ROBO2: variants seen among roughly 807,000 people sequenced by gnomAD.
ROBO2 encodes the protein roundabout guidance receptor 2.
Under a neutral mutation model 160.8 loss-of-function variants are expected in ROBO2, and 53 were observed. The observed-to-expected ratio is 0.33, with a 90% CI of 0.26 to 0.41. The LOEUF is 0.41. Among genes scored for constraint, ROBO2 ranks in the 10% least tolerant of loss-of-function variants. ROBO2 has a pLI of 1.00. For synonymous variants in ROBO2, 664 were observed against 611.7 expected (o/e 1.09, Z -1.26); for missense variants, 1,577 against 1,722.4 (o/e 0.92, Z 1.49).
chr3:76,319,225 A>G (rs928861374), intron 2 of ROBO2, among the ~76,000 whole-genome samples: 5 of 152,112 alleles, frequency 3.3e-5, no homozygotes, highest in African/African-American at 1.2e-4. Context: ...CAGACTTACA[A>G]AAATAAAATC....
At chr3:77,287,135 A>G (rs966825354) in intron 2 of ROBO2, among the ~76,000 whole-genome samples, 3 of 152,202 alleles carry the variant, frequency 2.0e-5, no homozygotes, top group Non-Finnish European at 4.4e-5. Context: ...ACAATCCCTT[A>G]CGCTCTTGAA....
At chr3:77,219,384 T>TGTTAGCCC (rs2085421893) in intron 2 of ROBO2, among the ~76,000 whole-genome samples, 1 of 148,606 alleles carries the variant, frequency 6.7e-6, no homozygotes. Context: ...TTAAGCTTTA[T>TGTTAGCCC]TTTATGTGTA....
intron 2 of ROBO2, among the ~76,000 whole-genome samples, chr3:77,365,746 A>C (rs966521025): frequency 1.6e-5 from 2 of 124,128 alleles, no homozygotes; most frequent in Non-Finnish European, 3.6e-5. Context: ...TTTTGTGCTG[A>C]TAAGAGGACC....
chr3:76,437,661 T>C (rs542758866), intron 2 of ROBO2, among the ~76,000 whole-genome samples: 1 of 152,320 alleles, frequency 6.6e-6, no homozygotes, highest in South Asian at 2.1e-4. Context: ...GAAATTCCCC[T>C]TTGTAAACAA....
In ROBO2 at chr3:76,015,123, A is replaced by G. The variant is rs1039512165; in HGVS notation, c.109+77521A>G. ...CTTTAAAAGTTTATATTAGATAAGT[A>G]TAAGAATCACACTATGTACTTACCC... On this transcript the variant is annotated intron_variant, in intron 2 of 26. Coordinates refer to the ROBO2 transcript ENST00000487694. 6.7e-4 allele frequency among the ~76,000 whole-genome samples: 102 copies of G among 152,322 alleles called. 1 individual carries two copies. Among genetic ancestry groups the G allele is most frequent in the Admixed American group, 1.0e-3 (16 of 15,290 alleles).
At chr3:76,785,565 A>T (rs934520134) in intron 2 of ROBO2, among the ~76,000 whole-genome samples, 3 of 151,120 alleles carry the variant, frequency 2.0e-5, no homozygotes, top group African/African-American at 7.3e-5. Context: ...TTTCTTTTTT[A>T]AAAAAATTAA....
intron 2 of ROBO2, among the ~76,000 whole-genome samples, chr3:77,205,938 G>C (rs920446657): frequency 6.6e-6 from 1 of 152,050 alleles, no homozygotes; most frequent in Non-Finnish European, 1.5e-5. Flanking sequence ...CAACAGAAAT[G>C]CATTATCTTA....
intron 2 of ROBO2, chr3:76,435,521 C>T (rs1365808854): frequency 1.6e-6 from 1 of 622,260 alleles, no homozygotes; most frequent in Non-Finnish European, 2.9e-6. Flanking sequence ...TACCTTGGTG[C>T]TCTTAAAACT....
chr3:77,205,235 T>C (rs1560229984), intron 2 of ROBO2, among the ~76,000 whole-genome samples: 1 of 151,956 alleles, frequency 6.6e-6, no homozygotes, highest in Non-Finnish European at 1.5e-5. Context: ...ACACATGGGC[T>C]TGAAGGATGA....
chr3:76,550,221 G>A lies in ROBO2; in HGVS notation c.110-547793G>A, dbSNP rs113548287. Among the ~76,000 whole-genome samples the A allele has an allele frequency of 7.9e-3, 1,201 of 152,166 alleles. 18 individuals carry two copies. Among genetic ancestry groups the A allele is most frequent in the African/African-American group, 0.027 (1,100 of 41,506 alleles). Reference sequence around the variant, plus strand: ...TAAAATGACCACTTCTTGCTAACTCGCATTCCTGTGTCACATGTTTAATAT... The same window carrying A: ...TAAAATGACCACTTCTTGCTAACTCACATTCCTGTGTCACATGTTTAATAT... On this transcript the variant is annotated intron_variant, in intron 2 of 26. Transcript: ENST00000487694.
intron 2 of ROBO2, among the ~76,000 whole-genome samples, chr3:76,195,559 C>T (rs1032508980): frequency 6.6e-6 from 1 of 152,082 alleles, no homozygotes; most frequent in Non-Finnish European, 1.5e-5. Context: ...ACCAGTAAAG[C>T]CTTCAGAGAA....
intron 2 of ROBO2, among the ~76,000 whole-genome samples, chr3:76,644,485 T>C (rs951202196): frequency 1.1e-4 from 17 of 152,170 alleles, no homozygotes; most frequent in Non-Finnish European, 2.9e-5. Flanking sequence ...TCAGTGTACC[T>C]TGCCCTCCAT....
intron 2 of ROBO2, among the ~76,000 whole-genome samples, chr3:77,400,531 G>A (rs932475297): frequency 7.2e-5 from 11 of 151,928 alleles, no homozygotes; most frequent in Non-Finnish European, 1.5e-4. Flanking sequence ...CAACACATTC[G>A]GTTCGTTTAA....
At chr3:77,172,208 CA>C (rs1460807329) in intron 2 of ROBO2, among the ~76,000 whole-genome samples, 2 of 152,046 alleles carry the variant, frequency 1.3e-5, no homozygotes, top group African/African-American at 2.4e-5. Flanking sequence ...AGTTTCCCAC[CA>C]AAATATGGAC....
At chr3:77,490,522 A>G (rs1276230868) in intron 4 of ROBO2, among the ~76,000 whole-genome samples, 1 of 152,116 alleles carries the variant, frequency 6.6e-6, no homozygotes, top group Non-Finnish European at 1.5e-5. Flanking sequence ...AGATTTGATC[A>G]TATTTATCTT....
chr3:77,327,574 T>C (rs896732300), intron 2 of ROBO2, among the ~76,000 whole-genome samples: 1 of 151,964 alleles, frequency 6.6e-6, no homozygotes, highest in Non-Finnish European at 1.5e-5. Context: ...TATTAAAGGC[T>C]AAGAAAAGAA....
chr3:76,677,079 A>C (rs1057300080), intron 2 of ROBO2, among the ~76,000 whole-genome samples: 6 of 148,058 alleles, frequency 4.1e-5, no homozygotes, highest in African/African-American at 1.6e-4. Context: ...TAAAGTTTCT[A>C]GGCAATTTTT....
chr3:77,442,276 A>C (rs568083742), intron 2 of ROBO2, among the ~76,000 whole-genome samples: 18 of 152,008 alleles, frequency 1.2e-4, no homozygotes, highest in Middle Eastern at 3.4e-3. Context: ...CGCGCCACTG[A>C]ACTCCAGCCT....
chr3:75,957,659 A>G (rs1948768823), intron 2 of ROBO2, among the ~76,000 whole-genome samples: 1 of 151,196 alleles, frequency 6.6e-6, no homozygotes, highest in Non-Finnish European at 1.5e-5. Context: ...CATGTTATTG[A>G]TGCGTTCTTG....
Sources: allele counts gnomAD v4.1 joint callset (sites outside exome capture counted in the v4.1 genomes callset), GRCh38; gene constraint gnomAD v4.1.1; transcripts MANE v1.5; gene names NCBI Gene and HGNC (gene_info 2026-07-23, HGNC 2026-07-21).